Variants in SCFD2 observed in about 807,000 individuals in gnomAD.
SCFD2 encodes the protein sec1 family domain-containing protein 2.
SCFD2 carries 54 observed loss-of-function variants against 58.9 expected under a neutral mutation model. The ratio of observed to expected loss-of-function variants is 0.92; its 90% confidence interval spans 0.74 to 1.15. SCFD2 has a LOEUF of 1.15. Ranked by LOEUF, SCFD2 falls within the 50% of genes most tolerant of loss-of-function variation. The probability of loss-of-function intolerance (pLI) is 0.00; values close to 1 mark genes in which losing one functional copy is unlikely to be tolerated. For synonymous variants in SCFD2, 321 were observed against 335.9 expected (o/e 0.96, Z 0.49); for missense variants, 805 against 836.6 (o/e 0.96, Z 0.47).
chr4:53,290,083 A>G (rs889273725), intron 3 of SCFD2, among the ~76,000 whole-genome samples: 3 of 152,218 alleles, frequency 2.0e-5, no homozygotes. Flanking sequence ...TCAAAAATTA[A>G]TAAGGAAATA....
At chr4:53,233,172 A>C (rs1324984716) in intron 4 of SCFD2, among the ~76,000 whole-genome samples, 4 of 152,162 alleles carry the variant, frequency 2.6e-5, no homozygotes, top group Non-Finnish European at 5.9e-5. Context: ...AAAAAAAATC[A>C]ATTAGTGTTA....
In SCFD2 at chr4:53,365,201, A is replaced by G; in HGVS notation, c.741T>C (p.Ala247=). 1 of 1,614,182 alleles carries G rather than the reference A, an allele frequency of 6.2e-7. No individual in the cohort carries two copies. The highest frequency in any genetic ancestry group is 8.5e-7 in the Non-Finnish European group (1 of 1,180,030). ...FAVGSLSQVI[A]ADLANYAPAK... is the part of the protein sequence containing the mutation. ...CAGGGGCATAATTGGCCAGATCCGC[A>G]GCGATGACCTGACTTAAGGAACCTA... Residue 247 remains alanine (A), a synonymous_variant, in exon 1 of 9, where the codon GCT becomes GCC. Coordinates refer to ENST00000401642, the MANE Select transcript of SCFD2 (RefSeq NM_152540.4). This position sits in a 1 kb window ranked among gnomAD's most constrained non-coding sequence, Gnocchi z 4.3.
At chr4:53,245,374 C>T (rs1157391167) in intron 4 of SCFD2, among the ~76,000 whole-genome samples, 2 of 152,098 alleles carry the variant, frequency 1.3e-5, no homozygotes, top group Admixed American at 1.3e-4. Context: ...CGCTAGCAAA[C>T]TGAATCCAGA....
intron 4 of SCFD2, among the ~76,000 whole-genome samples, chr4:53,242,230 G>A (rs1441824477): frequency 2.0e-5 from 3 of 152,208 alleles, no homozygotes; most frequent in African/African-American, 7.2e-5. Flanking sequence ...CCACCCATCA[G>A]AGTGTTGTGA....
intron 3 of SCFD2, among the ~76,000 whole-genome samples, chr4:53,288,240 C>A (rs898652037): frequency 6.6e-6 from 1 of 151,904 alleles, no homozygotes. Flanking sequence ...GTTTAGAAAG[C>A]CTGTGGGACT....
intron 5 of SCFD2, among the ~76,000 whole-genome samples, chr4:52,925,441 G>A (rs149035295): frequency 1.3e-3 from 198 of 151,738 alleles, no homozygotes; most frequent in African/African-American, 4.5e-3. Flanking sequence ...GTTGCAAGTA[G>A]CTTTCTTTTT....
At chr4:53,066,434 G>A (rs1723664953) in intron 5 of SCFD2, among the ~76,000 whole-genome samples, 1 of 152,078 alleles carries the variant, frequency 6.6e-6, no homozygotes, top group African/African-American at 2.4e-5. Flanking sequence ...CAATGTATGT[G>A]CTCTTTCCTT....
intron 5 of SCFD2, among the ~76,000 whole-genome samples, chr4:53,058,200 TATAG>T (rs1454264734): frequency 1.3e-5 from 2 of 152,184 alleles, no homozygotes; most frequent in Non-Finnish European, 2.9e-5. Context: ...GTGCTACTAT[TATAG>T]AGATTATTAT....
At chr4:53,180,137 T>C (rs1262596992) in intron 4 of SCFD2, among the ~76,000 whole-genome samples, 1 of 152,206 alleles carries the variant, frequency 6.6e-6, no homozygotes, top group Non-Finnish European at 1.5e-5. Flanking sequence ...AACTCAGCTC[T>C]GCACCAAGCG....
At chr4:53,073,190 T>C (rs967143250) in intron 5 of SCFD2, among the ~76,000 whole-genome samples, 6 of 152,072 alleles carry the variant, frequency 3.9e-5, no homozygotes, top group African/African-American at 1.4e-4. Context: ...TTATATTAGG[T>C]ATTATAAGTA....
intron 5 of SCFD2, among the ~76,000 whole-genome samples, chr4:52,988,988 C>T (rs1022374476): frequency 1.3e-5 from 2 of 152,166 alleles, no homozygotes; most frequent in South Asian, 4.1e-4. Flanking sequence ...TATATTTTAT[C>T]CCTAATAGTT....
At chr4:53,215,890 C>A (rs1281750313) in intron 4 of SCFD2, among the ~76,000 whole-genome samples, 1 of 152,076 alleles carries the variant, frequency 6.6e-6, no homozygotes, top group Admixed American at 6.6e-5. Context: ...TTTTCTGCAT[C>A]TATTGAGATA....
chr4:52,956,207 C>T (rs376742075), intron 5 of SCFD2: 2 of 456,622 alleles, frequency 4.4e-6, no homozygotes, highest in Non-Finnish European at 8.8e-6. Flanking sequence ...CAGCAGCCAT[C>T]TCCCCTACAT....
At chr4:53,301,150 T>C (rs1224761372) in intron 3 of SCFD2, among the ~76,000 whole-genome samples, 2 of 152,010 alleles carry the variant, frequency 1.3e-5, no homozygotes, top group African/African-American at 2.4e-5. Flanking sequence ...AAAAAATCAA[T>C]AAATCCAGGA....
At chr4:53,072,824 A>C (rs1403920640) in intron 5 of SCFD2, among the ~76,000 whole-genome samples, 1 of 116,408 alleles carries the variant, frequency 8.6e-6, no homozygotes, top group Non-Finnish European at 2.1e-5. Flanking sequence ...GTAAACTCCC[A>C]CTCCTAAACT....
At chr4:52,972,637 G>C (rs551313063) in intron 5 of SCFD2, among the ~76,000 whole-genome samples, 1 of 152,268 alleles carries the variant, frequency 6.6e-6, no homozygotes, top group South Asian at 2.1e-4. Flanking sequence ...GGATATCCAA[G>C]AATTGAACTC....
intron 5 of SCFD2, among the ~76,000 whole-genome samples, chr4:53,141,645 G>GAAA (rs34162723): frequency 6.9e-6 from 1 of 145,106 alleles, no homozygotes; most frequent in Admixed American, 6.9e-5. Flanking sequence ...AGTCAAATTT[G>GAAA]AAAAAAAAAA....
At chr4:53,274,900 C>G (rs1455350542) in intron 3 of SCFD2, among the ~76,000 whole-genome samples, 1 of 152,208 alleles carries the variant, frequency 6.6e-6, no homozygotes, top group African/African-American at 2.4e-5. Flanking sequence ...GTAATTCATT[C>G]CTATATGTTT....
rs1306550282 is a variant in SCFD2 at position 53,020,195 on chromosome 4, C to A, written c.1562-99325G>T. 4.6e-5 allele frequency among the ~76,000 whole-genome samples: 7 copies of A among 152,168 alleles called. No individual in the cohort carries two copies. In the East Asian group the frequency reaches 1.3e-3, roughly 29 times the overall value. ...TTCATGACTTTTCTTCTCTGTAAAGCCTTTAATGTGTCTGTAACAGTACTG... is the reference window on the plus strand; with the variant it reads ...TTCATGACTTTTCTTCTCTGTAAAGACTTTAATGTGTCTGTAACAGTACTG... On this transcript the variant is annotated intron_variant, in intron 5 of 8. Coordinates refer to ENST00000401642, the MANE Select transcript of SCFD2 (RefSeq NM_152540.4).
Sources: allele counts gnomAD v4.1 joint callset (sites outside exome capture counted in the v4.1 genomes callset), GRCh38; gene constraint gnomAD v4.1.1; non-coding constraint Gnocchi (gnomAD v3.1); transcripts MANE v1.5; gene names NCBI Gene and HGNC (gene_info 2026-07-23, HGNC 2026-07-21).